MYBL2: variants seen among roughly 807,000 people sequenced by gnomAD.
The protein encoded by MYBL2 is MYB proto-oncogene like 2, also known as myb-related protein B.
In MYBL2, 28 loss-of-function variants were observed where a neutral mutation model predicts 79.9. That is an observed-to-expected ratio of 0.35 (90% confidence interval 0.26 to 0.48). The LOEUF (loss-of-function observed/expected upper bound fraction) is 0.48, where lower values mean the gene tolerates loss of function less well. Ranked by LOEUF, MYBL2 falls within the 20% of genes least tolerant of loss-of-function variation. The pLI, the probability that MYBL2 is intolerant of heterozygous loss-of-function variation, is 0.99. For missense variants in MYBL2, 735 were observed against 893.9 expected (o/e 0.82, Z 2.27); for synonymous variants, 378 against 361.2 (o/e 1.05, Z -0.53).
At chr20:43,687,474 A>G (rs1385205247) in intron 5 of MYBL2, among the ~76,000 whole-genome samples, 1 of 152,224 alleles carries the variant, frequency 6.6e-6, no homozygotes, top group Non-Finnish European at 1.5e-5. Flanking sequence ...AGGTAGTACT[A>G]TAATCTGCTA....
At position 43,672,915 on chromosome 20, in the gene MYBL2, C is replaced by T. The variant is rs187287520; in HGVS notation, c.21-891C>T. 3.8e-3 allele frequency among the ~76,000 whole-genome samples: 584 copies of T among 152,230 alleles called. 2 individuals are homozygous for T. The highest frequency in any genetic ancestry group is 0.013 in the African/African-American group (551 of 41,550). ...GAAAAAGCGATAGTCTGATTTTGAACATAATATTCTTGGTGAAATCTTAAC... is the reference window on the plus strand; with the variant it reads ...GAAAAAGCGATAGTCTGATTTTGAATATAATATTCTTGGTGAAATCTTAAC... On this transcript the variant is annotated intron_variant, in intron 1 of 13. Transcript: ENST00000217026.
chr20:43,683,316 G>A (rs1192892531), intron 4 of MYBL2, among the ~76,000 whole-genome samples: 2 of 152,104 alleles, frequency 1.3e-5, no homozygotes, highest in African/African-American at 2.4e-5. Flanking sequence ...TCTTTTGATC[G>A]CCACAGCAGT....
intron 4 of MYBL2, among the ~76,000 whole-genome samples, chr20:43,685,104 G>A (rs1453290936): frequency 2.0e-5 from 3 of 149,546 alleles, no homozygotes; most frequent in East Asian, 2.0e-4. Flanking sequence ...CCGAGATGGC[G>A]CCATTGTACT....
chr20:43,702,124 C>T (rs1371513568), intron 7 of MYBL2, among the ~76,000 whole-genome samples: 1 of 151,802 alleles, frequency 6.6e-6, no homozygotes, highest in African/African-American at 2.4e-5. Flanking sequence ...AAGTCTCTGT[C>T]TCAAAAAAAA....
chr20:43,694,038 A>G (rs1335629572), intron 6 of MYBL2, among the ~76,000 whole-genome samples: 1 of 152,064 alleles, frequency 6.6e-6, no homozygotes, highest in African/African-American at 2.4e-5. Flanking sequence ...TATAAATAAA[A>G]TAAAAATTTG....
chr20:43,715,920 A>T, intron 13 of MYBL2, 39 bp from the exon 14 acceptor site: 1 of 1,584,128 alleles, frequency 6.3e-7, no homozygotes, highest in Non-Finnish European at 8.6e-7. Flanking sequence ...GGGAACACAT[A>T]GTCCCTGCCT....
chr20:43,694,619 ATC>A (rs1371427507), intron 6 of MYBL2, among the ~76,000 whole-genome samples: 1 of 152,226 alleles, frequency 6.6e-6, no homozygotes, highest in East Asian at 1.9e-4. Context: ...TTTAGAGAAT[ATC>A]TCTCGATTGC....
chr20:43,677,013 G>A (rs1181040043), intron 2 of MYBL2, among the ~76,000 whole-genome samples: 1 of 151,992 alleles, frequency 6.6e-6, no homozygotes, highest in South Asian at 2.1e-4. Context: ...CAAAGTGTTG[G>A]GATTACAGGC....
chr20:43,711,981 G>A (rs940678266), intron 11 of MYBL2, among the ~76,000 whole-genome samples: 4 of 152,140 alleles, frequency 2.6e-5, no homozygotes, highest in Non-Finnish European at 5.9e-5. Context: ...GGTACCAAGG[G>A]CCGCAGAAAG....
At chr20:43,678,477 A>T (rs1987068683) in intron 2 of MYBL2, among the ~76,000 whole-genome samples, 1 of 152,108 alleles carries the variant, frequency 6.6e-6, no homozygotes, top group African/African-American at 2.4e-5. Flanking sequence ...TCTGAACTGG[A>T]CAAAGATGGA....
intron 9 of MYBL2, among the ~76,000 whole-genome samples, chr20:43,706,864 C>T (rs1297472328): frequency 8.0e-5 from 12 of 150,782 alleles, no homozygotes; most frequent in South Asian, 2.1e-4. Flanking sequence ...TACAGGCACG[C>T]GCCACCACAC....
In MYBL2 at chr20:43,715,146, C is replaced by G; in HGVS notation, c.1837C>G (p.Pro613Ala). The G allele has an allele frequency of 3.1e-6, 5 of 1,614,192 alleles. No homozygotes were observed. The highest frequency in any genetic ancestry group is 4.2e-6 in the Non-Finnish European group (5 of 1,180,024). ...GTTTTGGTTTCAGCCGACAACTGCCCCTTCAAACTCTTCCAGCCTCACCCT... is the reference window on the plus strand; with the variant it reads ...GTTTTGGTTTCAGCCGACAACTGCCGCTTCAAACTCTTCCAGCCTCACCCT... ...PKSLSLPTTA[P>A]SNSSSLTLSG... is the part of the protein sequence containing the mutation. The change falls in exon 13 of 14, where the codon CCT becomes GCT. Residue 613 changes from proline (P) to alanine (A), a missense_variant. By Grantham distance (27) the Pro-to-Ala change is conservative. This residue lies in a region of MYBL2 where 204 missense variants were observed against 202.9 expected (regional missense o/e 1.01). Transcript: ENST00000217026.
intron 2 of MYBL2, among the ~76,000 whole-genome samples, chr20:43,681,126 C>T (rs1987131197): frequency 6.6e-6 from 1 of 152,102 alleles, no homozygotes; most frequent in Non-Finnish European, 1.5e-5. Flanking sequence ...TAGTTCATTT[C>T]GGGAGGCTAT....
chr20:43,674,566 T>C (rs1229374613), intron 2 of MYBL2, among the ~76,000 whole-genome samples: 1 of 151,856 alleles, frequency 6.6e-6, no homozygotes, highest in Non-Finnish European at 1.5e-5. Context: ...TTTTTTTTTT[T>C]GTATTTTTAG....
At chr20:43,704,689 CCTCT>C (rs1422131120) in intron 8 of MYBL2, among the ~76,000 whole-genome samples, 1 of 152,160 alleles carries the variant, frequency 6.6e-6, no homozygotes, top group Non-Finnish European at 1.5e-5. Context: ...AGACTCAAAA[CCTCT>C]CTAAGCGTTG....
intron 4 of MYBL2, among the ~76,000 whole-genome samples, chr20:43,684,354 A>G (rs1987217530): frequency 6.6e-6 from 1 of 151,624 alleles, no homozygotes; most frequent in South Asian, 2.1e-4. Flanking sequence ...TCTCTGCCTC[A>G]GCCTCCTGAG....
At chr20:43,667,793 G>T (rs1986754914) in intron 1 of MYBL2, among the ~76,000 whole-genome samples, 1 of 152,160 alleles carries the variant, frequency 6.6e-6, no homozygotes, top group Non-Finnish European at 1.5e-5. Context: ...ATTCCGGGGA[G>T]CACAGAGTCC....
chr20:43,682,776 CTTCTG>C lies in MYBL2; in HGVS notation c.187-13_187-9del. 6.2e-7 allele frequency: 1 copy of C among 1,613,064 alleles called. No homozygotes were observed. Among genetic ancestry groups the C allele is most frequent in the Non-Finnish European group, 8.5e-7 (1 of 1,179,170 alleles). On this transcript the variant is annotated splice_polypyrimidine_tract_variant and intron_variant, in intron 3 of 13. Transcript: ENST00000217026. ...AGAAGTTCTCACAGATTGGTTTGTT[CTTCTG>C]TTCTTTTCCCAGAACCGCACTGACC...
intron 5 of MYBL2, 49 bp downstream of exon 5, chr20:43,687,121 C>G (rs775088257): frequency 6.3e-7 from 1 of 1,577,200 alleles, no homozygotes; most frequent in Admixed American, 1.8e-5. Context: ...AGGCCAGGCC[C>G]GTGTTTCTGA....
Sources: gnomAD v4.1 joint callset for allele counts (sites outside exome capture counted in the v4.1 genomes callset) on GRCh38, gnomAD v4.1.1 for gene constraint, gnomAD v4.1.1 regional missense constraint, MANE v1.5 for transcripts, NCBI Gene and HGNC (gene_info 2026-07-23, HGNC 2026-07-21) for gene names.